Variants in SEC24D observed in about 807,000 individuals in gnomAD.
The protein encoded by SEC24D is protein transport protein Sec24D.
In SEC24D, 69 loss-of-function variants were observed where a neutral mutation model predicts 116.9. That is an observed-to-expected ratio of 0.59 (90% CI 0.49 to 0.72). SEC24D has a LOEUF of 0.72. SEC24D is among the 30% of genes least tolerant of loss of function. The pLI is 0.00. For synonymous variants in SEC24D, 405 were observed against 442.8 expected (o/e 0.91, Z 1.07); for missense variants, 1,131 against 1,264.1 (o/e 0.89, Z 1.60).
intron 14 of SEC24D, among the ~76,000 whole-genome samples, chr4:118,744,715 G>A (rs1316028898): frequency 2.0e-5 from 3 of 152,322 alleles, no homozygotes; most frequent in South Asian, 2.1e-4. Context: ...ATGAGCCACC[G>A]CGCCCAGCCT....
At chr4:118,739,368 A>G in intron 17 of SEC24D, 81 bp from the exon 18 acceptor site, 1 of 1,351,116 alleles carries the variant, frequency 7.4e-7, no homozygotes, top group Non-Finnish European at 1.0e-6. Context: ...TGCATTTACA[A>G]AACACTGTGT....
At chr4:118,737,718 A>C (rs2110437180) in intron 19 of SEC24D, among the ~76,000 whole-genome samples, 1 of 152,352 alleles carries the variant, frequency 6.6e-6, no homozygotes, top group East Asian at 1.9e-4. Context: ...GAGAGACTAA[A>C]TGAGGTTTAT....
chr4:118,806,863 T>A (rs577585292), intron 6 of SEC24D, among the ~76,000 whole-genome samples: 1 of 152,122 alleles, frequency 6.6e-6, no homozygotes, highest in African/African-American at 2.4e-5. Flanking sequence ...GGCACCTGAC[T>A]GTAGTCCCAG....
chr4:118,791,511 T>TCTCCCTA (rs1195079807), intron 8 of SEC24D, among the ~76,000 whole-genome samples: 1 of 152,014 alleles, frequency 6.6e-6, no homozygotes, highest in Admixed American at 6.5e-5. Flanking sequence ...AATTTATAGC[T>TCTCCCTA]CTCCCTACTC....
intron 8 of SEC24D, among the ~76,000 whole-genome samples, chr4:118,795,234 C>T (rs1330342356): frequency 1.2e-4 from 18 of 150,166 alleles, no homozygotes; most frequent in Middle Eastern, 3.5e-3. Flanking sequence ...GACAGAGTCT[C>T]CCTCTGTCTC....
chr4:118,738,026 G>A (rs948706571), intron 19 of SEC24D: 19 of 414,656 alleles, frequency 4.6e-5, no homozygotes, highest in South Asian at 2.5e-4. Flanking sequence ...TATACATACC[G>A]TAGTGACTGT....
At chr4:118,815,337 A>G in intron 5 of SEC24D, 114 bp downstream of exon 5, 2 of 1,420,212 alleles carry the variant, frequency 1.4e-6, no homozygotes, top group Admixed American at 4.0e-5. Flanking sequence ...TTCAAAAACT[A>G]CCATTTCTTA....
intron 22 of SEC24D, 117 bp from the exon 23 acceptor site, chr4:118,723,772 G>C: frequency 8.9e-7 from 1 of 1,125,526 alleles, no homozygotes; most frequent in East Asian, 2.5e-5. Flanking sequence ...TATGTGTGAG[G>C]CTATGGAGGA....
intron 13 of SEC24D, among the ~76,000 whole-genome samples, chr4:118,748,148 C>T (rs921593230): frequency 9.2e-5 from 14 of 152,058 alleles, no homozygotes; most frequent in Admixed American, 3.9e-4. Flanking sequence ...CATCTATAGT[C>T]CCAGCTACTT....
chr4:118,810,416 G>T (rs773931370), intron 6 of SEC24D, among the ~76,000 whole-genome samples: 1 of 152,112 alleles, frequency 6.6e-6, no homozygotes, highest in Non-Finnish European at 1.5e-5. Context: ...TATGAGATGT[G>T]CAAGAAAGGA....
intron 9 of SEC24D, among the ~76,000 whole-genome samples, chr4:118,765,458 G>A (rs2288307): frequency 0.28 from 42,451 of 152,134 alleles, 6,894 homozygotes; most frequent in Non-Finnish European, 0.37. Context: ...TCTCAGCTAA[G>A]GAACTTTAAT....
intron 6 of SEC24D, among the ~76,000 whole-genome samples, chr4:118,811,337 G>A (rs1361617638): frequency 2.6e-5 from 4 of 152,184 alleles, no homozygotes; most frequent in Admixed American, 6.5e-5. Context: ...ATTTAAGTTC[G>A]TTTTCAAAGA....
At chr4:118,807,203 G>A (rs1437165818) in intron 6 of SEC24D, among the ~76,000 whole-genome samples, 1 of 152,130 alleles carries the variant, frequency 6.6e-6, no homozygotes, top group Non-Finnish European at 1.5e-5. Flanking sequence ...AATCCCATGT[G>A]GTTTTTGCCC....
At chr4:118,762,080 GA>G (rs1253527870) in intron 10 of SEC24D, among the ~76,000 whole-genome samples, 3 of 151,256 alleles carry the variant, frequency 2.0e-5, no homozygotes, top group Non-Finnish European at 4.4e-5. Flanking sequence ...AAAATTAAGT[GA>G]AGAAACTACA....
intron 8 of SEC24D, among the ~76,000 whole-genome samples, chr4:118,772,492 C>T (rs1007296484): frequency 1.3e-5 from 2 of 152,224 alleles, no homozygotes; most frequent in African/African-American, 4.8e-5. Context: ...ATAGAAACTA[C>T]AGAATGTGCC....
intron 11 of SEC24D, among the ~76,000 whole-genome samples, chr4:118,757,028 T>G (rs1727130937): frequency 1.3e-5 from 2 of 152,238 alleles, no homozygotes; most frequent in Admixed American, 1.3e-4. Context: ...TGTGTAACTT[T>G]ATATTTCTTA....
At chr4:118,829,812 CA>C (rs111248427) in intron 2 of SEC24D, among the ~76,000 whole-genome samples, 108 of 133,992 alleles carry the variant, frequency 8.1e-4, no homozygotes, top group Admixed American at 1.0e-3. Flanking sequence ...AACTCCGTCT[CA>C]AAAAAAAAAA....
chr4:118,798,381 T>A (rs1168229644), intron 7 of SEC24D, among the ~76,000 whole-genome samples: 1 of 152,216 alleles, frequency 6.6e-6, no homozygotes, highest in Non-Finnish European at 1.5e-5. Context: ...CCCTAAACTA[T>A]TTTTAATAGA....
chr4:118,797,053 T>C (rs1287417059), intron 8 of SEC24D, among the ~76,000 whole-genome samples: 2 of 152,314 alleles, frequency 1.3e-5, no homozygotes, highest in East Asian at 1.9e-4. Flanking sequence ...AAAGAAGGAA[T>C]GGCAGCAGTG....
Sources: gnomAD v4.1 joint callset for allele counts (sites outside exome capture counted in the v4.1 genomes callset) on GRCh38, gnomAD v4.1.1 for gene constraint, MANE v1.5 for transcripts, NCBI Gene and HGNC (gene_info 2026-07-23, HGNC 2026-07-21) for gene names.